Variants in STX17 observed in about 807,000 individuals in gnomAD.
STX17 encodes syntaxin-17.
In STX17, 29 loss-of-function variants were observed where a neutral mutation model predicts 35.9. The observed-to-expected ratio is 0.81, with a 90% confidence interval of 0.60 to 1.10. The LOEUF (loss-of-function observed/expected upper bound fraction) is 1.10. Ranked by LOEUF, STX17 falls within the 50% of genes least tolerant of loss-of-function variation. The probability of loss-of-function intolerance (pLI) is 0.00; values close to 1 mark genes in which losing one functional copy is unlikely to be tolerated. For missense variants in STX17, 312 were observed against 352.3 expected (o/e 0.89, Z 0.92); for synonymous variants, 92 against 118.3 (o/e 0.78, Z 1.44).
chr9:99,928,488 C>G (rs1040155258), intron 2 of STX17, among the ~76,000 whole-genome samples: 2 of 152,016 alleles, frequency 1.3e-5, no homozygotes, highest in African/African-American at 4.8e-5. Context: ...TATTTTCCAT[C>G]TCCAGAGAGT....
rs1829011638 is a variant in STX17, at chr9:99,927,504, C to T, written c.124-1274C>T. On this transcript the variant is annotated intron_variant, in intron 2 of 7. Coordinates refer to ENST00000259400, the MANE Select transcript of STX17 (RefSeq NM_017919.3). The stretch of plus-strand genomic sequence containing the variant: ...TTATTTATTTTTTGAGAAGGAGTCT[C>T]ACTCTGTTGCCCAGGCTGGAGTGCA... Among the ~76,000 whole-genome samples, 4 of 151,924 alleles carry T rather than the reference C, an allele frequency of 2.6e-5. No individual in the cohort carries two copies. In the South Asian group the frequency reaches 8.3e-4, roughly 32 times the overall value.
At chr9:99,944,228 T>C (rs975340094) in intron 3 of STX17, among the ~76,000 whole-genome samples, 10 of 152,056 alleles carry the variant, frequency 6.6e-5, no homozygotes, top group Non-Finnish European at 1.0e-4. Context: ...TTATCAATTT[T>C]ATTAGTCTTC....
At position 99,938,595 on chromosome 9, in the gene STX17, G is replaced by A. The variant is rs1829285674; in HGVS notation, c.189+9752G>A. Among the ~76,000 whole-genome samples, 6 of 152,134 alleles carry A rather than the reference G, an allele frequency of 3.9e-5. No individual in the cohort carries two copies. The South Asian group carries it at 1.2e-3, about 32-fold the overall frequency. ...AGCTCATGAGTTCAATACCAGCTTG[G>A]GCAACATGGTGAAACTCTGTCTCTA... On this transcript the variant is annotated intron_variant, in intron 3 of 7. Coordinates refer to ENST00000259400, the MANE Select transcript of STX17 (RefSeq NM_017919.3).
At chr9:99,917,432 T>C (rs1488238689) in intron 2 of STX17, among the ~76,000 whole-genome samples, 1 of 152,202 alleles carries the variant, frequency 6.6e-6, no homozygotes, top group Non-Finnish European at 1.5e-5. Flanking sequence ...CATATTATTC[T>C]TAGGGGAAAG....
At chr9:99,952,308 T>G (rs918545459) in intron 4 of STX17, among the ~76,000 whole-genome samples, 2 of 152,100 alleles carry the variant, frequency 1.3e-5, no homozygotes, top group African/African-American at 2.4e-5. Flanking sequence ...ATCAGAGAAA[T>G]GCAAATCAAA....
intron 3 of STX17, among the ~76,000 whole-genome samples, chr9:99,946,635 C>G (rs1193940732): frequency 6.6e-6 from 1 of 152,132 alleles, no homozygotes; most frequent in Non-Finnish European, 1.5e-5. Context: ...TTTTGAAGAT[C>G]ACCATTTAAT....
At chr9:99,911,840 G>T (rs2118291932) in intron 1 of STX17, among the ~76,000 whole-genome samples, 1 of 152,286 alleles carries the variant, frequency 6.6e-6, no homozygotes, top group South Asian at 2.1e-4. Flanking sequence ...GCCTTCCAAA[G>T]TGCTGGAATT....
chr9:99,938,259 C>G (rs1215111430), intron 3 of STX17, among the ~76,000 whole-genome samples: 1 of 152,186 alleles, frequency 6.6e-6, no homozygotes, highest in Non-Finnish European at 1.5e-5. Flanking sequence ...CTGTGCTGCA[C>G]TCTCCTCTCC....
At chr9:99,908,801 A>G (rs1828605871) in intron 1 of STX17, among the ~76,000 whole-genome samples, 2 of 152,242 alleles carry the variant, frequency 1.3e-5, no homozygotes, top group East Asian at 1.9e-4. Context: ...CTGGGGTAAC[A>G]TTGCTTCCAG....
At chr9:99,923,459 A>G (rs1260423192) in intron 2 of STX17, among the ~76,000 whole-genome samples, 2 of 152,206 alleles carry the variant, frequency 1.3e-5, no homozygotes, top group African/African-American at 2.4e-5. Context: ...GTGAATGGAA[A>G]AATCAACACA....
chr9:99,967,495 G>C, intron 6 of STX17, 158 bp from the exon 7 acceptor site: 1 of 276,812 alleles, frequency 3.6e-6, no homozygotes, highest in Non-Finnish European at 6.9e-6. Context: ...AAGTTAATTT[G>C]TCCTTTCGAC....
At chr9:99,912,696 A>C (rs953916988) in intron 1 of STX17, among the ~76,000 whole-genome samples, 5 of 152,228 alleles carry the variant, frequency 3.3e-5, no homozygotes, top group African/African-American at 1.2e-4. Context: ...AATAATAGCC[A>C]ATTTGTAAAA....
intron 1 of STX17, 116 bp downstream of exon 1, chr9:99,906,822 C>T (rs1421416037): frequency 6.6e-6 from 1 of 152,320 alleles, no homozygotes; most frequent in Non-Finnish European, 1.5e-5. Context: ...GCATTGGATC[C>T]GAAGTGCGAG....
At chr9:99,933,897 T>G (rs1382686987) in intron 3 of STX17, among the ~76,000 whole-genome samples, 1 of 152,148 alleles carries the variant, frequency 6.6e-6, no homozygotes, top group African/African-American at 2.4e-5. Flanking sequence ...TACTTAATAT[T>G]TAGTAACAAT....
At chr9:99,950,566 G>A (rs1829572142) in intron 3 of STX17, among the ~76,000 whole-genome samples, 1 of 151,972 alleles carries the variant, frequency 6.6e-6, no homozygotes, top group African/African-American at 2.4e-5. Flanking sequence ...CTACACCGTG[G>A]AATATAGTGT....
Position 99,968,782 on chromosome 9 carries a change from C to T in STX17, c.*109C>T. On this transcript the variant is annotated 3_prime_UTR_variant, in exon 8 of 8. Transcript: ENST00000259400. ...CACAAGTATATCAAGATAGTGGCTA[C>T]TGATGTTCAAGTGGGATTGAAGTGT... 1 of 1,481,176 alleles carries T rather than the reference C, an allele frequency of 6.8e-7. No homozygotes were observed. The highest frequency in any genetic ancestry group is 9.1e-7 in the Non-Finnish European group (1 of 1,099,458). The allele number at this position is 1,481,176 out of a possible 1,614,324, so 91.8% of individuals were successfully genotyped here.
chr9:99,920,701 G>T (rs1828868675), intron 2 of STX17, among the ~76,000 whole-genome samples: 1 of 152,154 alleles, frequency 6.6e-6, no homozygotes, highest in South Asian at 2.1e-4. Context: ...AGCAATGCTT[G>T]TCAGGGATCT....
In STX17 at chr9:99,930,064, C is replaced by G. The variant is rs373610637; in HGVS notation, c.189+1221C>G. Among the ~76,000 whole-genome samples, 16 of 150,958 alleles carry G rather than the reference C, an allele frequency of 1.1e-4. No homozygotes were observed. In the East Asian group the frequency reaches 2.7e-3, roughly 26 times the overall value. The stretch of plus-strand genomic sequence containing the variant: ...AGTAGCTGGGACTACAGGCACCCAC[C>G]ACCACGCCTGACTAATTTTTGTATT... On this transcript the variant is annotated intron_variant, in intron 3 of 7. Coordinates refer to ENST00000259400, the MANE Select transcript of STX17 (RefSeq NM_017919.3).
At position 99,972,260 on chromosome 9, in the gene STX17, T is replaced by G. The variant is rs1052141840; in HGVS notation, c.*3587T>G. Among the ~76,000 whole-genome samples, 10 of 152,244 alleles carry G rather than the reference T, an allele frequency of 6.6e-5. No individual in the cohort carries two copies. The highest frequency in any genetic ancestry group is 2.9e-5 in the Non-Finnish European group (2 of 68,042). On this transcript the variant is annotated 3_prime_UTR_variant, in exon 8 of 8. Transcript: ENST00000259400. ...GTTATAACCATTGTTTAAACAGTGC[T>G]TTTTGTGTAATTTAAAAATAAACTT...
Sources: allele counts gnomAD v4.1 joint callset (sites outside exome capture counted in the v4.1 genomes callset), GRCh38; gene constraint gnomAD v4.1.1; transcripts MANE v1.5; gene names NCBI Gene and HGNC (gene_info 2026-07-23, HGNC 2026-07-21).